Variants in CELSR1 observed in about 807,000 individuals in gnomAD.
The protein encoded by CELSR1 is adhesion G protein-coupled receptor C1.
Under a neutral mutation model 249.1 loss-of-function variants are expected in CELSR1, and 110 were observed. The ratio of observed to expected loss-of-function variants is 0.44; its 90% CI spans 0.38 to 0.52. CELSR1 has a LOEUF of 0.52. Among genes scored for constraint, CELSR1 ranks in the 20% least tolerant of loss-of-function variants. CELSR1 has a pLI of 0.00. For synonymous variants in CELSR1, 2,113 were observed against 1,900.0 expected (o/e 1.11, Z -2.92); for missense variants, 4,109 against 4,296.4 (o/e 0.96, Z 1.22).
chr22:46,502,301 GA>G (rs1443007702), intron 1 of CELSR1, among the ~76,000 whole-genome samples: 2 of 126,054 alleles, frequency 1.6e-5, no homozygotes, highest in African/African-American at 3.1e-5. Context: ...GGAGGGTGGG[GA>G]GGGGAGGAAG....
At chr22:46,523,180 C>G (rs2080702955) in intron 1 of CELSR1, among the ~76,000 whole-genome samples, 1 of 152,054 alleles carries the variant, frequency 6.6e-6, no homozygotes, top group South Asian at 2.1e-4. Context: ...AACAAAAATC[C>G]TAAAAAATAT....
rs973809036 is a variant in CELSR1, at chr22:46,536,874, C to T, written c.297G>A (p.Thr99=). ...GCGCCCGCAGGCGGCGGCTCAGCGC[C>T]GTCGGGGCACTGCGGGCCACCAAGC... is the stretch of plus-strand genomic sequence containing the variant. ...QVRLVARSAP[T]ALSRRLRART... The change falls in exon 1 of 35, where the codon ACG becomes ACA. Residue 99 remains threonine, a synonymous_variant. Coordinates refer to ENST00000674500, the MANE Select transcript of CELSR1 (RefSeq NM_001378328.1). 2 of 1,231,018 alleles carry T rather than the reference C, an allele frequency of 1.6e-6. No individual in the cohort carries two copies. Among genetic ancestry groups the T allele is most frequent in the South Asian group, 2.4e-5 (1 of 41,714 alleles). 76.3% of individuals were successfully genotyped at this position (1,231,018 alleles called of 1,614,324 possible). A position where few individuals can be genotyped will look rare whatever the true frequency, so the allele number is the denominator to read the frequency against.
In CELSR1 at chr22:46,430,929, T is replaced by C. The variant is rs1602125740; in HGVS notation, c.4611+2464A>G. On this transcript the variant is annotated intron_variant, in intron 5 of 34. Coordinates refer to ENST00000674500, the MANE Select transcript of CELSR1 (RefSeq NM_001378328.1). The surrounding 1 kb of genome is among the most constrained non-coding windows in gnomAD (Gnocchi z 4.6). The stretch of plus-strand genomic sequence containing the variant: ...CATAATCTCTGCTAACACATCCTAG[T>C]GTGTGGCCCCGTCAGACCTCCTAAT... Among the ~76,000 whole-genome samples the C allele has an allele frequency of 6.6e-6, 1 of 152,174 alleles. No homozygotes were observed. The highest frequency in any genetic ancestry group is 1.5e-5 in the Non-Finnish European group (1 of 68,026).
At position 46,407,132 on chromosome 22, in the gene CELSR1, C is replaced by T. The variant is rs1194245859; in HGVS notation, c.5226+1864G>A. ...AGGGAGGTCAGGAGGGAGCCCCAGG[C>T]TCACTCTGGTTGGAGATAATGAACA... On this transcript the variant is annotated intron_variant, in intron 9 of 34. Coordinates refer to ENST00000674500, the MANE Select transcript of CELSR1 (RefSeq NM_001378328.1). This position sits in a 1 kb window ranked among gnomAD's most constrained non-coding sequence, Gnocchi z 4.8. 6.6e-6 allele frequency among the ~76,000 whole-genome samples: 1 copy of T among 152,216 alleles called. No individual in the cohort carries two copies. Among genetic ancestry groups the T allele is most frequent in the Non-Finnish European group, 1.5e-5 (1 of 68,038 alleles).
intron 22 of CELSR1, among the ~76,000 whole-genome samples, chr22:46,379,174 AT>A (rs1361068574): frequency 1.3e-5 from 2 of 152,186 alleles, no homozygotes; most frequent in Non-Finnish European, 2.9e-5. Context: ...CAGAAAGGAC[AT>A]CTCACCTTCC....
chr22:46,369,112 G>T, intron 27 of CELSR1, 67 bp downstream of exon 27: 1 of 1,527,440 alleles, frequency 6.5e-7, no homozygotes, highest in Non-Finnish European at 9.1e-7. Flanking sequence ...CCACCCCGCA[G>T]AGACTGGACG....
In CELSR1 at chr22:46,448,970, A is replaced by G. The variant is rs1220526642; in HGVS notation, c.4184-9559T>C. ...AGGAAAAGGGTATGTCAGAAATGAT[A>G]AAACACCACACGAATTTGCCCATCT... On this transcript the variant is annotated intron_variant, in intron 2 of 34. Coordinates refer to ENST00000674500, the MANE Select transcript of CELSR1 (RefSeq NM_001378328.1). This position sits in a 1 kb window ranked among gnomAD's most constrained non-coding sequence, Gnocchi z 5.7. 6.6e-6 allele frequency among the ~76,000 whole-genome samples: 1 copy of G among 152,172 alleles called. No individual in the cohort carries two copies. Among genetic ancestry groups the G allele is most frequent in the African/African-American group, 2.4e-5 (1 of 41,416 alleles).
chr22:46,397,395 A>G (rs899175533), intron 12 of CELSR1, among the ~76,000 whole-genome samples: 8 of 146,638 alleles, frequency 5.5e-5, no homozygotes, highest in African/African-American at 2.0e-4. Context: ...TGCTGGGATT[A>G]CAGGTATGAG....
chr22:46,459,981 C>T (rs567946890), intron 2 of CELSR1, among the ~76,000 whole-genome samples: 5 of 152,230 alleles, frequency 3.3e-5, no homozygotes, highest in African/African-American at 1.2e-4. Context: ...CCAAGGCAGG[C>T]GAATCACCTG....
At chr22:46,478,553 T>A (rs1205634527) in intron 1 of CELSR1, among the ~76,000 whole-genome samples, 2 of 151,796 alleles carry the variant, frequency 1.3e-5, no homozygotes, top group Non-Finnish European at 2.9e-5. Context: ...GAATTTTTTT[T>A]TTTTTTTGAG....
chr22:46,504,256 A>G (rs5768854), intron 1 of CELSR1, among the ~76,000 whole-genome samples: 124,028 of 151,772 alleles, frequency 0.82, 50,831 homozygotes, highest in East Asian at 0.98. Context: ...GCTCACACCT[A>G]TAATCCCAGC....
At position 46,390,577 on chromosome 22, in the gene CELSR1, C is replaced by A. The variant is rs1408404475; in HGVS notation, c.6251-91G>T. The A allele has an allele frequency of 2.8e-6, 3 of 1,063,978 alleles. No homozygotes were observed. Among genetic ancestry groups the A allele is most frequent in the African/African-American group, 1.6e-5 (1 of 63,294 alleles). The allele number at this position is 1,063,978 out of a possible 1,614,324, so 65.9% of individuals were successfully genotyped here. A position where few individuals can be genotyped will look rare whatever the true frequency, so the allele number is the denominator to read the frequency against. On this transcript the variant is annotated intron_variant, in intron 16 of 34. Transcript: ENST00000674500. This position sits in a 1 kb window ranked among gnomAD's most constrained non-coding sequence, Gnocchi z 6.3. ...AATCCACAATCTGAATATACTTAAACCCAGAACACTGCGTGGTGGTTAGAA... is the reference window on the plus strand; with the variant it reads ...AATCCACAATCTGAATATACTTAAAACCAGAACACTGCGTGGTGGTTAGAA...
rs1178836717 is a variant in CELSR1 at position 46,433,188 on chromosome 22, G to A, written c.4611+205C>T. On this transcript the variant is annotated intron_variant, in intron 5 of 34. Coordinates refer to ENST00000674500, the MANE Select transcript of CELSR1 (RefSeq NM_001378328.1). This position sits in a 1 kb window ranked among gnomAD's most constrained non-coding sequence, Gnocchi z 5.7. ...ATTACAGGCACCCGCCACCACGCCC[G>A]GCTAATTTTTTAATTTTTGTATTTT... Among the ~76,000 whole-genome samples, 4 of 151,940 alleles carry A rather than the reference G, an allele frequency of 2.6e-5. No homozygotes were observed. The highest frequency in any genetic ancestry group is 2.1e-4 in the South Asian group (1 of 4,820).
chr22:46,363,283 G>T lies in CELSR1; in HGVS notation c.9036-36C>A. ...GAAGAAGCCAGCAAGCAGGTGAAGG[G>T]TCAGTGAGGGTAGCGGCTTGGTGGG... On this transcript the variant is annotated intron_variant, in intron 34 of 34. Coordinates refer to ENST00000674500, the MANE Select transcript of CELSR1 (RefSeq NM_001378328.1). The surrounding 1 kb of genome is among the most constrained non-coding windows in gnomAD (Gnocchi z 4.3). 4.4e-6 allele frequency: 7 copies of T among 1,583,186 alleles called. No homozygotes were observed. The highest frequency in any genetic ancestry group is 6.1e-6 in the Non-Finnish European group (7 of 1,154,402).
In CELSR1 at chr22:46,436,699, T is replaced by C. The variant is rs1440450419; in HGVS notation, c.4407-410A>G. Among the ~76,000 whole-genome samples, 3 of 152,132 alleles carry C rather than the reference T, an allele frequency of 2.0e-5. No homozygotes were observed. The highest frequency in any genetic ancestry group is 2.0e-4 in the Admixed American group (3 of 15,280). ...GACCTGGTACCTTCCCAGGCAGGGA[T>C]GATGCTATGGAAGGACCATTCTTAT... On this transcript the variant is annotated intron_variant, in intron 3 of 34. Coordinates refer to ENST00000674500, the MANE Select transcript of CELSR1 (RefSeq NM_001378328.1). The surrounding 1 kb of genome is among the most constrained non-coding windows in gnomAD (Gnocchi z 5.9).
At chr22:46,400,237 G>A (rs917631376) in intron 9 of CELSR1, among the ~76,000 whole-genome samples, 19 of 152,188 alleles carry the variant, frequency 1.2e-4, no homozygotes, top group Non-Finnish European at 2.2e-4. Flanking sequence ...GCTGGGGCAG[G>A]AGAACTGCTT....
Position 46,389,307 on chromosome 22 carries a change from C to T in CELSR1, c.6538G>A (p.Asp2180Asn), listed in dbSNP as rs2079063474. 1.2e-6 allele frequency: 2 copies of T among 1,607,148 alleles called. No individual in the cohort carries two copies. The highest frequency in any genetic ancestry group is 1.7e-6 in the Non-Finnish European group (2 of 1,179,750). The change falls in exon 18 of 35, where the codon GAC (aspartate) becomes AAC (asparagine). Residue 2180 changes from aspartate to asparagine, a missense_variant. Asp to Asn is a conservative substitution (Grantham distance 23). Coordinates refer to ENST00000674500, the MANE Select transcript of CELSR1 (RefSeq NM_001378328.1). ...CCGCCTACCTCGTGAAAGTCGGCGT[C>T]CTGCGTGGCTGCCAGGTCGAAGCCC... is the stretch of plus-strand genomic sequence containing the variant. ...QQGFDLAATQ[D>N]ADFHEDVIHS...
intron 24 of CELSR1, among the ~76,000 whole-genome samples, chr22:46,373,862 C>A (rs2078888504): frequency 6.6e-6 from 1 of 152,174 alleles, no homozygotes; most frequent in Non-Finnish European, 1.5e-5. Flanking sequence ...AGGGAGATAC[C>A]CTTTAACAGA....
Position 46,398,930 on chromosome 22 carries a change from C to T in CELSR1, c.5413-293G>A, listed in dbSNP as rs932683203. On this transcript the variant is annotated intron_variant, in intron 10 of 34. Transcript: ENST00000674500. This position sits in a 1 kb window ranked among gnomAD's most constrained non-coding sequence, Gnocchi z 7.2. The stretch of plus-strand genomic sequence containing the variant: ...TCCCGCCTCCGTCAAGGGCACAACA[C>T]TAAACCAGCCACGCTGTGACAGAGA... Among the ~76,000 whole-genome samples the T allele has an allele frequency of 1.3e-5, 2 of 152,226 alleles. No individual in the cohort carries two copies. Among genetic ancestry groups the T allele is most frequent in the Admixed American group, 1.3e-4 (2 of 15,288 alleles).
Sources: allele counts gnomAD v4.1 joint callset (sites outside exome capture counted in the v4.1 genomes callset), GRCh38; gene constraint gnomAD v4.1.1; non-coding constraint Gnocchi (gnomAD v3.1); transcripts MANE v1.5; gene names NCBI Gene and HGNC (gene_info 2026-07-23, HGNC 2026-07-21).